Variants in ARHGEF6 observed in about 807,000 individuals in gnomAD.
ARHGEF6 encodes rho guanine nucleotide exchange factor 6.
ARHGEF6 carries 9 observed loss-of-function variants against 70.3 expected under a neutral mutation model. The observed-to-expected ratio is 0.13, with a 90% confidence interval of 0.08 to 0.22. The LOEUF (loss-of-function observed/expected upper bound fraction) is 0.22, where lower values mean the gene tolerates loss of function less well. Among genes scored for constraint, ARHGEF6 ranks in the 10% least tolerant of loss-of-function variants. The pLI is 1.00. For synonymous variants in ARHGEF6, 201 were observed against 207.8 expected (o/e 0.97, Z 0.28); for missense variants, 470 against 563.0 (o/e 0.83, Z 1.67).
chrX:136,707,222 C>G (rs192264082), intron 8 of ARHGEF6, among the ~76,000 whole-genome samples, 192 bp from the exon 9 acceptor site: 1 of 112,392 alleles, frequency 8.9e-6, no homozygotes, highest in Admixed American at 9.4e-5. Context: ...AGCCACCAAA[C>G]ACAGTTGTAA....
chrX:136,736,618 GGTGT>G lies in ARHGEF6; in HGVS notation c.662-4450_662-4447del, dbSNP rs1556295145. Among the ~76,000 whole-genome samples, 481 of 103,693 alleles carry G rather than the reference GGTGT, an allele frequency of 4.6e-3. 2 individuals carry two copies. The highest frequency in any genetic ancestry group is 0.015 in the Middle Eastern group (3 of 197). 90.0% of individuals were successfully genotyped at this position (103,693 alleles called of 115,157 possible). On this transcript the variant is annotated intron_variant, in intron 5 of 21. Transcript: ENST00000250617. ...CAGCCACAAGCTCATGTTAAAAAGA[GGTGT>G]GTGTGTGTGTGTGTGTGTGTGTGTG...
In ARHGEF6 at chrX:136,667,421, T is replaced by C. The variant is rs1047363614; in HGVS notation, c.*608A>G. Reference sequence around the variant, plus strand: ...CATAGGGCAGTAATTTTAAAACCTGTGATTGAGGGGAGGCATGTGATGGTC... The same window carrying C: ...CATAGGGCAGTAATTTTAAAACCTGCGATTGAGGGGAGGCATGTGATGGTC... On this transcript the variant is annotated 3_prime_UTR_variant, in exon 22 of 22. Coordinates refer to ENST00000250617, the MANE Select transcript of ARHGEF6 (RefSeq NM_004840.3). 2 of 114,438 alleles carry C rather than the reference T, an allele frequency of 1.7e-5. No homozygotes were observed. The highest frequency in any genetic ancestry group is 3.2e-5 in the African/African-American group (1 of 30,776). The allele number at this position is 114,438 out of a possible 1,213,427, so 9.4% of individuals were successfully genotyped here.
intron 7 of ARHGEF6, among the ~76,000 whole-genome samples, chrX:136,709,376 A>G (rs1200305968): frequency 8.9e-6 from 1 of 112,508 alleles, no homozygotes; most frequent in Non-Finnish European, 1.9e-5. Context: ...CCTACCAAAC[A>G]GTAAGTGATA....
At position 136,707,350 on chromosome X, in the gene ARHGEF6, A is replaced by C. The variant is rs1284958473; in HGVS notation, c.924-320T>G. ...AAATATTCTTGGTTAATTTATCTAA[A>C]GTTTGAGTACAGACAAAACTAATCA... On this transcript the variant is annotated intron_variant, in intron 8 of 21. Transcript: ENST00000250617. 4.5e-5 allele frequency among the ~76,000 whole-genome samples: 5 copies of C among 112,299 alleles called. No homozygotes were observed. In the East Asian group the frequency reaches 1.4e-3, roughly 31 times the overall value.
chrX:136,755,648 T>C (rs1451328664), intron 2 of ARHGEF6, among the ~76,000 whole-genome samples: 1 of 112,311 alleles, frequency 8.9e-6, no homozygotes, highest in African/African-American at 3.2e-5. Context: ...AAGTATCACC[T>C]GTTGCTATCC....
chrX:136,767,556 G>T, intron 2 of ARHGEF6: 2 of 754,867 alleles, frequency 2.6e-6, no homozygotes, highest in Non-Finnish European at 3.1e-6. Context: ...AGGATCGCGG[G>T]GCCGAACTGG....
chrX:136,727,560 G>GTT (rs1047909794), intron 6 of ARHGEF6, among the ~76,000 whole-genome samples: 4 of 88,742 alleles, frequency 4.5e-5, no homozygotes, highest in Non-Finnish European at 8.6e-5. Flanking sequence ...TTGAGACAGA[G>GTT]TCTCACTTTG....
At chrX:136,752,705 C>G (rs193224409) in intron 2 of ARHGEF6, among the ~76,000 whole-genome samples, 3 of 112,232 alleles carry the variant, frequency 2.7e-5, no homozygotes, top group East Asian at 5.5e-4. Flanking sequence ...AGTTAAAAGT[C>G]TAATCAACTG....
At chrX:136,758,978 A>T (rs934682650) in intron 2 of ARHGEF6, among the ~76,000 whole-genome samples, 1 of 112,046 alleles carries the variant, frequency 8.9e-6, no homozygotes, top group Non-Finnish European at 1.9e-5. Flanking sequence ...CAGGTACATT[A>T]GCCCTAAAAC....
intron 2 of ARHGEF6, among the ~76,000 whole-genome samples, chrX:136,771,441 C>T (rs1375703593): frequency 8.9e-6 from 1 of 112,129 alleles, no homozygotes; most frequent in Non-Finnish European, 1.9e-5. Context: ...TTAAAACTTA[C>T]TACGTAGCTA....
chrX:136,716,050 C>T (rs1356749047), intron 6 of ARHGEF6, among the ~76,000 whole-genome samples: 1 of 112,655 alleles, frequency 8.9e-6, no homozygotes, highest in Non-Finnish European at 1.9e-5. Context: ...AAGCCATTCT[C>T]CTGCCTCAGC....
At chrX:136,742,255 T>C (rs981620887) in intron 5 of ARHGEF6, among the ~76,000 whole-genome samples, 11 of 110,082 alleles carry the variant, frequency 1.0e-4, no homozygotes, top group Admixed American at 9.6e-5. Context: ...GGAGGCGGAG[T>C]GTGCAGCAAG....
chrX:136,775,845 A>C (rs1362012607), intron 2 of ARHGEF6, among the ~76,000 whole-genome samples: 2 of 112,050 alleles, frequency 1.8e-5, no homozygotes, highest in Non-Finnish European at 3.8e-5. Flanking sequence ...TGAATTCAGT[A>C]AAGTTCAGGA....
chrX:136,668,295 C>A, intron 21 of ARHGEF6, 126 bp from the exon 22 acceptor site: 1 of 826,226 alleles, frequency 1.2e-6, no homozygotes, highest in Non-Finnish European at 1.7e-6. Flanking sequence ...CCTCCCTCAG[C>A]ATCTATGACA....
chrX:136,670,395 A>T (rs1163377555), intron 20 of ARHGEF6, among the ~76,000 whole-genome samples: 1 of 111,945 alleles, frequency 8.9e-6, no homozygotes, highest in Non-Finnish European at 1.9e-5. Flanking sequence ...ATACAGATGC[A>T]ACCATCCATT....
intron 8 of ARHGEF6, among the ~76,000 whole-genome samples, chrX:136,707,315 G>A (rs183515855): frequency 9.0e-6 from 1 of 111,533 alleles, no homozygotes; most frequent in Non-Finnish European, 1.9e-5. Context: ...AATTTAGCTG[G>A]GTACACTAAA....
chrX:136,681,530 T>C (rs1024955821), intron 14 of ARHGEF6, among the ~76,000 whole-genome samples: 22 of 112,593 alleles, frequency 2.0e-4, no homozygotes, highest in African/African-American at 5.2e-4. Context: ...CATGGGCTGA[T>C]GATAAAATTG....
In ARHGEF6 at chrX:136,686,594, GTATA is replaced by G. The variant is rs770923374; in HGVS notation, c.1246-775_1246-772del. 1.7e-3 allele frequency among the ~76,000 whole-genome samples: 96 copies of G among 57,109 alleles called. 2 individuals are homozygous for G. In the South Asian group the frequency reaches 0.028, roughly 17 times the overall value. The allele number at this position is 57,109 out of a possible 115,157, so 49.6% of individuals were successfully genotyped here. ...TATATATATGTGTGTGTATGTGTGT[GTATA>G]TATATATATATATATATATATATAC... On this transcript the variant is annotated intron_variant, in intron 11 of 21. Coordinates refer to ENST00000250617, the MANE Select transcript of ARHGEF6 (RefSeq NM_004840.3).
intron 2 of ARHGEF6, among the ~76,000 whole-genome samples, chrX:136,756,261 C>T (rs148596718): frequency 0.017 from 1,927 of 111,585 alleles, 14 homozygotes; most frequent in Non-Finnish European, 0.026. Flanking sequence ...TCTGTGACCA[C>T]GAGGTGACCA....
Sources: gnomAD v4.1 joint callset for allele counts (sites outside exome capture counted in the v4.1 genomes callset) on GRCh38, gnomAD v4.1.1 for gene constraint, MANE v1.5 for transcripts, NCBI Gene and HGNC (gene_info 2026-07-23, HGNC 2026-07-21) for gene names.